INVS: variants seen among roughly 807,000 people sequenced by gnomAD.
INVS encodes inversin.
A neutral mutation model predicts 108.8 loss-of-function variants in INVS; 86 were observed. The ratio of observed to expected loss-of-function variants is 0.79; its 90% confidence interval spans 0.66 to 0.95. The LOEUF (loss-of-function observed/expected upper bound fraction) is 0.95, where lower values mean the gene tolerates loss of function less well. Ranked by LOEUF, INVS falls within the 40% of genes least tolerant of loss-of-function variation. The pLI is 0.00. For missense variants in INVS, 1,169 were observed against 1,297.4 expected, an observed-to-expected ratio of 0.90 and a Z score of 1.52; for synonymous variants, 455 against 473.5, an observed-to-expected ratio of 0.96 and a Z score of 0.51.
intron 2 of INVS, among the ~76,000 whole-genome samples, chr9:100,116,011 C>G (rs1286735130): frequency 1.3e-5 from 2 of 152,092 alleles, no homozygotes; most frequent in Non-Finnish European, 2.9e-5. Flanking sequence ...GATGATATCT[C>G]ATTGTGGTTT....
intron 12 of INVS, among the ~76,000 whole-genome samples, chr9:100,278,472 A>G (rs768934966): frequency 3.3e-5 from 5 of 152,158 alleles, no homozygotes; most frequent in Non-Finnish European, 5.9e-5. Flanking sequence ...CACTGTTGGC[A>G]GGAGTGTATG....
intron 3 of INVS, among the ~76,000 whole-genome samples, chr9:100,171,303 C>G (rs1358194177): frequency 6.6e-6 from 1 of 151,880 alleles, no homozygotes; most frequent in Non-Finnish European, 1.5e-5. Context: ...TTATATTTAC[C>G]TAGAGTATTC....
intron 3 of INVS, among the ~76,000 whole-genome samples, chr9:100,177,563 A>G (rs1829757371): frequency 6.6e-6 from 1 of 152,202 alleles, no homozygotes; most frequent in Non-Finnish European, 1.5e-5. Flanking sequence ...CTGCAGCCAG[A>G]CTGCCTCTCT....
At chr9:100,234,715 C>T (rs1831624276) in intron 5 of INVS, among the ~76,000 whole-genome samples, 2 of 152,156 alleles carry the variant, frequency 1.3e-5, no homozygotes, top group South Asian at 4.1e-4. Flanking sequence ...TTTGATTGCA[C>T]TGTGGTCTAA....
chr9:100,186,306 C>T (rs913494632), intron 3 of INVS, among the ~76,000 whole-genome samples: 3 of 152,052 alleles, frequency 2.0e-5, no homozygotes, highest in Admixed American at 6.6e-5. Flanking sequence ...CCCACCACCA[C>T]GCCTGGCTAA....
At chr9:100,127,081 A>C (rs987850227) in intron 3 of INVS, among the ~76,000 whole-genome samples, 10 of 152,102 alleles carry the variant, frequency 6.6e-5, no homozygotes, top group Admixed American at 5.2e-4. Context: ...TTGCAGTCCC[A>C]GCTACTTGTG....
At chr9:100,209,108 T>TC (rs1318540364) in intron 3 of INVS, among the ~76,000 whole-genome samples, 1 of 152,092 alleles carries the variant, frequency 6.6e-6, no homozygotes, top group Non-Finnish European at 1.5e-5. Flanking sequence ...CATTTTTGGA[T>TC]CCCCTAAAGC....
chr9:100,199,274 A>G (rs956350211), intron 3 of INVS, among the ~76,000 whole-genome samples: 1 of 152,134 alleles, frequency 6.6e-6, no homozygotes, highest in Non-Finnish European at 1.5e-5. Flanking sequence ...TTTAAAGTGT[A>G]TCTCTTGTAG....
At chr9:100,205,089 A>G (rs1487997557) in intron 3 of INVS, among the ~76,000 whole-genome samples, 1 of 152,094 alleles carries the variant, frequency 6.6e-6, no homozygotes. Flanking sequence ...TTATCTGCAA[A>G]AGTCTGTGCA....
intron 3 of INVS, among the ~76,000 whole-genome samples, chr9:100,173,367 A>G (rs1829606865): frequency 6.6e-6 from 1 of 152,212 alleles, no homozygotes; most frequent in African/African-American, 2.4e-5. Context: ...AAAACTGAGT[A>G]GAAATCTGCA....
chr9:100,177,513 G>A (rs776297468), intron 3 of INVS, among the ~76,000 whole-genome samples: 10 of 152,196 alleles, frequency 6.6e-5, no homozygotes, highest in Non-Finnish European at 1.3e-4. Context: ...CCACCAGGAA[G>A]CTCAAACTGG....
At chr9:100,168,968 A>T (rs1050218134) in intron 3 of INVS, among the ~76,000 whole-genome samples, 3 of 152,224 alleles carry the variant, frequency 2.0e-5, no homozygotes, top group African/African-American at 7.2e-5. Context: ...ATGAAACTTT[A>T]TGAGAGAAAT....
rs77465715 is a variant in INVS at position 100,252,956 on chromosome 9, T to G, written c.1284T>G (p.His428Gln). The G allele has an allele frequency of 6.2e-7, 1 of 1,613,860 alleles. No individual in the cohort carries two copies. Among genetic ancestry groups the G allele is most frequent in the Non-Finnish European group, 8.5e-7 (1 of 1,179,890 alleles). The change falls in exon 10 of 17, where the codon CAT becomes CAG. Residue 428 changes from histidine to glutamine, a missense_variant. Around this residue, in one of 3 missense-constraint regions of INVS, gnomAD observed 271 missense variants for 363.8 expected, o/e 0.74. Coordinates refer to ENST00000262457, the MANE Select transcript of INVS (RefSeq NM_014425.5). ...ACCAAGATGGACATTCTCTTCTACA[T>G]TGGGCAGCACTGGGAGGAAATGCTG... ...LVDQDGHSLL[H>Q]WAALGGNADV...
chr9:100,124,607 A>C (rs1004008473), intron 2 of INVS, among the ~76,000 whole-genome samples: 3 of 150,944 alleles, frequency 2.0e-5, no homozygotes, highest in Middle Eastern at 3.3e-3. Context: ...ACATATTTAC[A>C]TTCTGCTTCT....
chr9:100,177,853 C>G (rs953538436), intron 3 of INVS, among the ~76,000 whole-genome samples: 1 of 152,146 alleles, frequency 6.6e-6, no homozygotes, highest in African/African-American at 2.4e-5. Flanking sequence ...CAGCAGGGGC[C>G]GACAGACACC....
chr9:100,287,441 G>T (rs1446375078), intron 13 of INVS, among the ~76,000 whole-genome samples: 1 of 152,180 alleles, frequency 6.6e-6, no homozygotes, highest in African/African-American at 2.4e-5. Flanking sequence ...TAAACAATCT[G>T]TCATAGTTCC....
At chr9:100,194,435 A>G (rs1198407141) in intron 3 of INVS, among the ~76,000 whole-genome samples, 7 of 151,754 alleles carry the variant, frequency 4.6e-5, no homozygotes, top group Non-Finnish European at 1.0e-4. Context: ...CATTCATTCT[A>G]TTAGTCGTTT....
chr9:100,189,755 T>C (rs1830167317), intron 3 of INVS, among the ~76,000 whole-genome samples: 1 of 152,088 alleles, frequency 6.6e-6, no homozygotes, highest in African/African-American at 2.4e-5. Flanking sequence ...ATTTATTTAT[T>C]TGTTTGTTTT....
chr9:100,302,151 T>C lies in INVS; in HGVS notation c.*1477T>C, dbSNP rs762929771. 13 of 1,212,564 alleles carry C rather than the reference T, an allele frequency of 1.1e-5. No individual in the cohort carries two copies. Among genetic ancestry groups the C allele is most frequent in the Non-Finnish European group, 1.2e-5 (10 of 861,074 alleles). The allele number at this position is 1,212,564 out of a possible 1,614,324, so 75.1% of individuals were successfully genotyped here. A position where few individuals can be genotyped will look rare whatever the true frequency, so the allele number is the denominator to read the frequency against. ...AGTCTTTTTCTTCAAATAAGATAGA[T>C]GTGAATAAACAACTTCAAACAGGAG... On this transcript the variant is annotated 3_prime_UTR_variant, in exon 17 of 17. Coordinates refer to ENST00000262457, the MANE Select transcript of INVS (RefSeq NM_014425.5).
Sources: gnomAD v4.1 joint callset for allele counts (sites outside exome capture counted in the v4.1 genomes callset) on GRCh38, gnomAD v4.1.1 for gene constraint, gnomAD v4.1.1 regional missense constraint, MANE v1.5 for transcripts, NCBI Gene and HGNC (gene_info 2026-07-23, HGNC 2026-07-21) for gene names.